Variants in MOCOS observed in about 807,000 individuals in gnomAD.
MOCOS encodes molybdenum cofactor sulfurase, also known as human molybdenum cofactor sulfurase.
MOCOS carries 86 observed loss-of-function variants against 83.6 expected under a neutral mutation model. The observed-to-expected ratio is 1.03, with a 90% CI of 0.86 to 1.23. The LOEUF (loss-of-function observed/expected upper bound fraction) is 1.23. Among genes scored for constraint, MOCOS ranks in the 50% most tolerant of loss-of-function variants. MOCOS has a pLI of 0.00. For missense variants in MOCOS, 1,120 were observed against 1,126.9 expected (o/e 0.99, Z 0.09); for synonymous variants, 445 against 434.7 (o/e 1.02, Z -0.29).
At chr18:36,220,008 C>G (rs1472998794) in intron 8 of MOCOS, 47 bp from the exon 9 acceptor site, 1 of 1,611,684 alleles carries the variant, frequency 6.2e-7, no homozygotes, top group East Asian at 2.2e-5. Flanking sequence ...AGGTGAAGAC[C>G]AACTTTGGGG....
At chr18:36,226,306 A>C (rs1188179599) in intron 9 of MOCOS, among the ~76,000 whole-genome samples, 1 of 152,138 alleles carries the variant, frequency 6.6e-6, no homozygotes, top group Non-Finnish European at 1.5e-5. Flanking sequence ...TTTTGACTTA[A>C]AGTCCATTTT....
intron 9 of MOCOS, among the ~76,000 whole-genome samples, chr18:36,247,617 G>A (rs2091606973): frequency 6.6e-6 from 1 of 152,158 alleles, no homozygotes; most frequent in African/African-American, 2.4e-5. Context: ...TTGCTTGGCT[G>A]CCTAAATCCA....
Position 36,221,795 on chromosome 18 carries a change from C to T in MOCOS, c.1960+1578C>T, listed in dbSNP as rs575237941. Among the ~76,000 whole-genome samples, 148 of 149,308 alleles carry T rather than the reference C, an allele frequency of 9.9e-4. 1 individual carries two copies. Among genetic ancestry groups the T allele is most frequent in the African/African-American group, 3.4e-3 (137 of 40,656 alleles). ...AGGCTGGAGTGCAATGGCGTGATCT[C>T]GGCTCACTGCAACCTCTGCCTCCTG... On this transcript the variant is annotated intron_variant, in intron 9 of 14. Transcript: ENST00000261326.
intron 1 of MOCOS, among the ~76,000 whole-genome samples, chr18:36,190,442 T>C (rs2091360505): frequency 6.6e-6 from 1 of 152,026 alleles, no homozygotes; most frequent in South Asian, 2.1e-4. Context: ...TCTCACAAGA[T>C]CCGGTTGTTT....
intron 13 of MOCOS, among the ~76,000 whole-genome samples, chr18:36,262,016 A>T (rs1411638745): frequency 6.6e-6 from 1 of 152,098 alleles, no homozygotes; most frequent in Non-Finnish European, 1.5e-5. Flanking sequence ...CTCGAGACAT[A>T]AATATAAGGA....
At position 36,239,387 on chromosome 18, in the gene MOCOS, C is replaced by T. The variant is rs1349555915; in HGVS notation, c.1961-9535C>T. On this transcript the variant is annotated intron_variant, in intron 9 of 14. Coordinates refer to ENST00000261326, the MANE Select transcript of MOCOS (RefSeq NM_017947.4). ...TGTAAAGTATTTTATTTCTCCTTCACTTATGAAGCTTAGTTTGGCTGGATA... is the reference window on the plus strand; with the variant it reads ...TGTAAAGTATTTTATTTCTCCTTCATTTATGAAGCTTAGTTTGGCTGGATA... 6.8e-5 allele frequency among the ~76,000 whole-genome samples: 10 copies of T among 146,892 alleles called. No individual in the cohort carries two copies. The East Asian group carries it at 9.8e-4, about 14-fold the overall frequency.
Position 36,199,846 on chromosome 18 carries a change from G to T in MOCOS, c.463G>T (p.Val155Leu). The change falls in exon 4 of 15, where the codon GTA (valine) becomes TTA (leucine). Residue 155 changes from valine to leucine, a missense_variant. Transcript: ENST00000261326. ...FCYLTDSHTS[V>L]VGMRNVTMAI... is the part of the protein sequence containing the mutation. The stretch of plus-strand genomic sequence containing the variant: ...TTACCTCACCGACAGCCACACCTCC[G>T]TAGTGGGTATGCGGAACGTGACCAT... 6.2e-7 allele frequency: 1 copy of T among 1,613,122 alleles called. No homozygotes were observed. Among genetic ancestry groups the T allele is most frequent in the Non-Finnish European group, 8.5e-7 (1 of 1,179,600 alleles).
intron 3 of MOCOS, among the ~76,000 whole-genome samples, chr18:36,199,472 G>C (rs2091402713): frequency 6.6e-6 from 1 of 152,216 alleles, no homozygotes; most frequent in Non-Finnish European, 1.5e-5. Flanking sequence ...TCCAATTGGA[G>C]ATATCCAGTG....
At chr18:36,263,727 G>A (rs896418016) in intron 13 of MOCOS, among the ~76,000 whole-genome samples, 2 of 152,172 alleles carry the variant, frequency 1.3e-5, no homozygotes, top group African/African-American at 2.4e-5. Context: ...CTGCTGTTGA[G>A]TGCTTTCTCT....
intron 13 of MOCOS, among the ~76,000 whole-genome samples, chr18:36,265,646 T>A (rs2091679292): frequency 6.6e-6 from 1 of 152,214 alleles, no homozygotes; most frequent in Non-Finnish European, 1.5e-5. Context: ...TGGGGGATTT[T>A]AAGCTCCACC....
chr18:36,271,176 T>C lies in MOCOS; in HGVS notation c.*2491T>C, dbSNP rs1323263030. The C allele has an allele frequency of 6.6e-6, 1 of 152,066 alleles. No homozygotes were observed. The allele number at this position is 152,066 out of a possible 1,614,324, so 9.4% of individuals were successfully genotyped here. On this transcript the variant is annotated 3_prime_UTR_variant, in exon 15 of 15. Coordinates refer to ENST00000261326, the MANE Select transcript of MOCOS (RefSeq NM_017947.4). ...GATCCTCTCCTTTACAGCACTATTA[T>C]TTGGTTATCTACTTATAATTACTGA...
intron 14 of MOCOS, among the ~76,000 whole-genome samples, chr18:36,267,753 A>C (rs564564076): frequency 1.3e-5 from 2 of 152,170 alleles, no homozygotes; most frequent in Non-Finnish European, 2.9e-5. Context: ...CAAATACAAT[A>C]CTAAGGTCCA....
intron 9 of MOCOS, among the ~76,000 whole-genome samples, chr18:36,232,326 T>C (rs2091541437): frequency 6.6e-6 from 1 of 152,206 alleles, no homozygotes. Flanking sequence ...CAGTTATTCC[T>C]TTTTAATTTT....
intron 12 of MOCOS, among the ~76,000 whole-genome samples, chr18:36,259,134 ATTACAAAAATAAGAG>A (rs909363898): frequency 1.3e-5 from 2 of 152,102 alleles, no homozygotes; most frequent in African/African-American, 2.4e-5. Context: ...ATAAATAAAA[ATTACAAAAATAAGAG>A]TTACAAAAAT....
chr18:36,206,511 G>T (rs1244658534), intron 6 of MOCOS, among the ~76,000 whole-genome samples: 1 of 151,962 alleles, frequency 6.6e-6, no homozygotes. Context: ...CTCCCAAAGT[G>T]CCGGGATTAC....
chr18:36,241,487 G>C (rs2091582535), intron 9 of MOCOS, among the ~76,000 whole-genome samples: 1 of 152,178 alleles, frequency 6.6e-6, no homozygotes, highest in South Asian at 2.1e-4. Context: ...GGCTCCCATG[G>C]CCTTGGGCAG....
intron 10 of MOCOS, among the ~76,000 whole-genome samples, chr18:36,249,794 G>A (rs12606389): frequency 0.024 from 3,624 of 152,216 alleles, 111 homozygotes; most frequent in East Asian, 0.13. Flanking sequence ...GATTGGATAA[G>A]GAAGCTGAGG....
intron 9 of MOCOS, among the ~76,000 whole-genome samples, chr18:36,232,884 A>ACACACACACC (rs1434576975): frequency 1.4e-5 from 2 of 138,764 alleles, no homozygotes; most frequent in African/African-American, 5.0e-5. Context: ...ACACACACAC[A>ACACACACACC]CACACCATTT....
intron 14 of MOCOS, among the ~76,000 whole-genome samples, chr18:36,267,556 G>T (rs2091685827): frequency 6.6e-6 from 1 of 152,292 alleles, no homozygotes; most frequent in East Asian, 1.9e-4. Context: ...CAAAGCCAGG[G>T]TTTTGTTTCA....
Sources: gnomAD v4.1 joint callset for allele counts (sites outside exome capture counted in the v4.1 genomes callset) on GRCh38, gnomAD v4.1.1 for gene constraint, MANE v1.5 for transcripts, NCBI Gene and HGNC (gene_info 2026-07-23, HGNC 2026-07-21) for gene names.